NEDD9: variants seen among roughly 807,000 people sequenced by gnomAD.
The protein encoded by NEDD9 is neural precursor cell expressed, developmentally down-regulated 9.
NEDD9 carries 26 observed loss-of-function variants against 76.6 expected under a neutral mutation model. The ratio of observed to expected loss-of-function variants is 0.34; its 90% CI spans 0.25 to 0.47. The LOEUF is 0.47. Ranked by LOEUF, NEDD9 falls within the 20% of genes least tolerant of loss-of-function variation. The pLI is 1.00. For synonymous variants in NEDD9, 392 were observed against 414.2 expected (o/e 0.95, Z 0.65); for missense variants, 937 against 1,058.5 (o/e 0.89, Z 1.59).
intron 2 of NEDD9, among the ~76,000 whole-genome samples, chr6:11,197,405 C>T (rs1309469506): frequency 6.6e-6 from 1 of 152,100 alleles, no homozygotes; most frequent in Non-Finnish European, 1.5e-5. Context: ...TGATCCAATG[C>T]TACTGCAACT....
intron 2 of NEDD9, among the ~76,000 whole-genome samples, chr6:11,210,491 GT>G (rs1381770759): frequency 3.3e-5 from 5 of 152,138 alleles, no homozygotes; most frequent in Admixed American, 2.6e-4. Context: ...AAGCCAGTCA[GT>G]AAAACTACTA....
chr6:11,244,260 TACAC>T (rs148837935), intron 3 of NEDD9, among the ~76,000 whole-genome samples: 35 of 151,052 alleles, frequency 2.3e-4, no homozygotes, highest in Non-Finnish European at 4.3e-4. Flanking sequence ...TCTTTCTCTT[TACAC>T]ACACACACAC....
At chr6:11,195,158 T>C (rs901229642) in intron 2 of NEDD9, among the ~76,000 whole-genome samples, 1 of 152,228 alleles carries the variant, frequency 6.6e-6, no homozygotes, top group Non-Finnish European at 1.5e-5. Flanking sequence ...ACCAATGCCT[T>C]CTCCCCAGGC....
intron 1 of NEDD9, among the ~76,000 whole-genome samples, chr6:11,220,773 G>A (rs928617604): frequency 8.5e-5 from 13 of 152,196 alleles, no homozygotes; most frequent in Non-Finnish European, 1.6e-4. Flanking sequence ...CAGCATAGCT[G>A]TGCAATTACA....
chr6:11,288,290 C>T (rs1760692815), intron 3 of NEDD9, among the ~76,000 whole-genome samples: 1 of 152,200 alleles, frequency 6.6e-6, no homozygotes, highest in South Asian at 2.1e-4. Context: ...GGTCTAAGGT[C>T]TGTTAGGCTC....
chr6:11,215,039 G>A (rs1758910894), intron 1 of NEDD9, among the ~76,000 whole-genome samples: 1 of 152,132 alleles, frequency 6.6e-6, no homozygotes, highest in African/African-American at 2.4e-5. Flanking sequence ...CAGCTGACTT[G>A]CACTACTCGC....
rs1436104171 is a variant in NEDD9 at position 11,374,064 on chromosome 6, C to CTA, written c.-214+8074_-214+8075insTA. 9.2e-3 allele frequency among the ~76,000 whole-genome samples: 1,390 copies of CTA among 151,206 alleles called. 20 individuals are homozygous for CTA. Among genetic ancestry groups the CTA allele is most frequent in the Admixed American group, 0.043 (650 of 15,164 alleles). ...AATAAATCTCTCTCTCTCTCTCTCT[C>CTA]TCTATATATATATGTATATATATAC... is the stretch of plus-strand genomic sequence containing the variant. On this transcript the variant is annotated intron_variant, in intron 1 of 3. Coordinates refer to the NEDD9 transcript ENST00000397378.
chr6:11,256,576 T>G (rs1036888733), intron 3 of NEDD9, among the ~76,000 whole-genome samples: 2 of 152,190 alleles, frequency 1.3e-5, no homozygotes, highest in East Asian at 1.9e-4. Flanking sequence ...TCCTCCCACC[T>G]CAGCCTCCTG....
chr6:11,270,675 A>G (rs1760285368), intron 3 of NEDD9, among the ~76,000 whole-genome samples: 1 of 152,214 alleles, frequency 6.6e-6, no homozygotes, highest in Non-Finnish European at 1.5e-5. Flanking sequence ...AGCTGCTCTA[A>G]TGCTCTCATC....
chr6:11,356,454 C>T (rs542250362), intron 1 of NEDD9, among the ~76,000 whole-genome samples: 7 of 152,324 alleles, frequency 4.6e-5, no homozygotes, highest in Non-Finnish European at 8.8e-5. Context: ...TTACTTTCCA[C>T]ACATCTCGCA....
chr6:11,238,675 A>G (rs1394758138), intron 3 of NEDD9, among the ~76,000 whole-genome samples: 1 of 152,140 alleles, frequency 6.6e-6, no homozygotes, highest in Non-Finnish European at 1.5e-5. Context: ...CTTTCCTAGA[A>G]AAATCTCTCC....
At chr6:11,275,442 A>T (rs1182238616) in intron 3 of NEDD9, among the ~76,000 whole-genome samples, 1 of 152,182 alleles carries the variant, frequency 6.6e-6, no homozygotes, top group Non-Finnish European at 1.5e-5. Flanking sequence ...CAGCTAATGC[A>T]TATGTTAATT....
intron 1 of NEDD9, among the ~76,000 whole-genome samples, chr6:11,228,065 T>G (rs1453560549): frequency 1.6e-5 from 1 of 62,522 alleles, no homozygotes; most frequent in South Asian, 5.4e-4. Context: ...CATCTGTGTG[T>G]GGGAGGCAAG....
At chr6:11,303,722 T>C (rs1761111853) in intron 3 of NEDD9, among the ~76,000 whole-genome samples, 1 of 152,174 alleles carries the variant, frequency 6.6e-6, no homozygotes, top group African/African-American at 2.4e-5. Flanking sequence ...GGGTTCCCTA[T>C]CTAATAAATG....
At chr6:11,322,623 C>T (rs1761834663) in intron 2 of NEDD9, among the ~76,000 whole-genome samples, 1 of 152,232 alleles carries the variant, frequency 6.6e-6, no homozygotes, top group African/African-American at 2.4e-5. Flanking sequence ...TCTCTTTTCT[C>T]TTTTCTCCTT....
chr6:11,302,572 A>G (rs1296491843), intron 3 of NEDD9, among the ~76,000 whole-genome samples: 4 of 152,202 alleles, frequency 2.6e-5, no homozygotes, highest in African/African-American at 9.6e-5. Flanking sequence ...AAAAAAGATA[A>G]TTTTAGGCCA....
intron 3 of NEDD9, among the ~76,000 whole-genome samples, chr6:11,246,293 C>A (rs1359948315): frequency 6.6e-6 from 1 of 152,198 alleles, no homozygotes; most frequent in Admixed American, 6.5e-5. Flanking sequence ...GCACAACTTG[C>A]CTCAGGTTGA....
intron 2 of NEDD9, among the ~76,000 whole-genome samples, chr6:11,307,564 T>C (rs1222046335): frequency 1.3e-5 from 2 of 152,288 alleles, no homozygotes; most frequent in South Asian, 2.1e-4. Context: ...CCAAGGTGTC[T>C]GTGCTTATAA....
At chr6:11,357,222 C>G (rs1196437844) in intron 1 of NEDD9, among the ~76,000 whole-genome samples, 1 of 152,170 alleles carries the variant, frequency 6.6e-6, no homozygotes. Flanking sequence ...TAACCCTTTA[C>G]TCCTGTGGAT....
Sources: allele counts gnomAD v4.1 joint callset (sites outside exome capture counted in the v4.1 genomes callset), GRCh38; gene constraint gnomAD v4.1.1; transcripts MANE v1.5; gene names NCBI Gene and HGNC (gene_info 2026-07-23, HGNC 2026-07-21).